Variants in C1QTNF3 observed in about 807,000 individuals in gnomAD.
The protein encoded by C1QTNF3 is C1q and TNF related 3.
Under a neutral mutation model 32.6 loss-of-function variants are expected in C1QTNF3, and 26 were observed. The ratio of observed to expected loss-of-function variants is 0.80; its 90% CI spans 0.58 to 1.11. The LOEUF is 1.11. C1QTNF3 is among the 50% of genes least tolerant of loss of function. The pLI is 0.00. For synonymous variants in C1QTNF3, 155 were observed against 146.0 expected, an observed-to-expected ratio of 1.06 and a Z score of -0.44; for missense variants, 362 against 398.2, an observed-to-expected ratio of 0.91 and a Z score of 0.77.
At chr5:34,119,386 G>T in the C1QTNF3 span, among the ~76,000 whole-genome samples, 1 of 152,166 alleles carries the variant, frequency 6.6e-6, no homozygotes, top group Non-Finnish European at 1.5e-5. Flanking sequence ...AGATGTCAGG[G>T]ACATAGTGCC....
the C1QTNF3 span, among the ~76,000 whole-genome samples, chr5:34,155,496 C>A: frequency 6.6e-6 from 1 of 152,292 alleles, no homozygotes; most frequent in South Asian, 2.1e-4. Flanking sequence ...TACCTGTTTA[C>A]TCAGACCTGA....
chr5:34,042,475 C>T (rs948554320), intron 1 of C1QTNF3, among the ~76,000 whole-genome samples: 27 of 152,238 alleles, frequency 1.8e-4, no homozygotes, highest in African/African-American at 3.9e-4. Context: ...CTACAGTGAC[C>T]GATCTGTCTG....
the C1QTNF3 span, among the ~76,000 whole-genome samples, chr5:34,052,840 T>C: frequency 1.3e-5 from 2 of 152,198 alleles, no homozygotes; most frequent in Non-Finnish European, 2.9e-5. Context: ...GATTAAGCAA[T>C]TAAAATAGGA....
chr5:34,147,045 A>G, the C1QTNF3 span, among the ~76,000 whole-genome samples: 1 of 152,220 alleles, frequency 6.6e-6, no homozygotes, highest in African/African-American at 2.4e-5. Flanking sequence ...CAAGTGGCCA[A>G]AAAGTTCAAC....
chr5:34,123,596 A>G, the C1QTNF3 span, among the ~76,000 whole-genome samples: 6 of 148,148 alleles, frequency 4.1e-5, no homozygotes, highest in Non-Finnish European at 8.9e-5. Context: ...TGTACTCCCA[A>G]TTTCCAGGAC....
the C1QTNF3 span, among the ~76,000 whole-genome samples, chr5:34,082,876 A>G: frequency 1.3e-5 from 2 of 151,816 alleles, no homozygotes; most frequent in Non-Finnish European, 2.9e-5. Context: ...ATATGAATAC[A>G]TATGTACATA....
the C1QTNF3 span, among the ~76,000 whole-genome samples, chr5:34,056,477 TATAGAGAGAGAGAGAG>T: frequency 5.8e-4 from 51 of 87,256 alleles, no homozygotes; most frequent in South Asian, 2.2e-3. Flanking sequence ...TATATATATA[TATAGAGAGAGAGAGAG>T]AGAGAGAGAG....
the C1QTNF3 span, chr5:34,175,486 T>A: frequency 3.9e-6 from 1 of 254,554 alleles, no homozygotes; most frequent in South Asian, 5.6e-5. Flanking sequence ...GAATGATGAG[T>A]GTATCCCAAA....
At chr5:34,144,416 C>T in the C1QTNF3 span, among the ~76,000 whole-genome samples, 2 of 152,330 alleles carry the variant, frequency 1.3e-5, no homozygotes, top group Middle Eastern at 6.8e-3. Flanking sequence ...AAACTTGACA[C>T]TAGACCAAAT....
the C1QTNF3 span, among the ~76,000 whole-genome samples, chr5:34,070,638 T>C: frequency 6.6e-6 from 1 of 151,900 alleles, no homozygotes; most frequent in Non-Finnish European, 1.5e-5. Flanking sequence ...AGAGTTTATA[T>C]TGAAAGTGAA....
chr5:34,054,158 T>C, the C1QTNF3 span, among the ~76,000 whole-genome samples: 5 of 152,324 alleles, frequency 3.3e-5, no homozygotes, highest in Non-Finnish European at 7.4e-5. Context: ...GGGAGTTCAA[T>C]AGGATTAAAG....
chr5:34,112,042 G>C, the C1QTNF3 span, among the ~76,000 whole-genome samples: 1 of 152,128 alleles, frequency 6.6e-6, no homozygotes, highest in Admixed American at 6.5e-5. Flanking sequence ...TCTGATCTTT[G>C]CCATAGAGAT....
At chr5:34,229,732 G>C in the C1QTNF3 span, among the ~76,000 whole-genome samples, 1 of 152,144 alleles carries the variant, frequency 6.6e-6, no homozygotes, top group Non-Finnish European at 1.5e-5. Flanking sequence ...CTGAATATTT[G>C]TGTCTCCCTA....
chr5:34,195,843 A>G, the C1QTNF3 span, among the ~76,000 whole-genome samples: 1 of 139,580 alleles, frequency 7.2e-6, no homozygotes, highest in African/African-American at 2.9e-5. Flanking sequence ...CTGTCTCAAA[A>G]AAAAAAAAAA....
At position 34,043,089 on chromosome 5, in the gene C1QTNF3, C is replaced by T; in HGVS notation, c.37G>A (p.Ala13Thr). 6.2e-7 allele frequency: 1 copy of T among 1,613,632 alleles called. No homozygotes were observed. Among genetic ancestry groups the T allele is most frequent in the Non-Finnish European group, 8.5e-7 (1 of 1,179,998 alleles). ...AGGCAAAAAGGGAGGAAAAACAAAG[C>T]CAGCAGTTGCCAATAGATGAGCTGC... ...WRQLIYWQLLALFFLPFCLCQ... is the reference protein window; with the variant it reads ...WRQLIYWQLLTLFFLPFCLCQ... The change falls in exon 1 of 6, where the codon GCT becomes ACT. Residue 13 changes from alanine (A) to threonine (T), a missense_variant. Transcript: ENST00000382065.
chr5:34,099,154 CTTG>C, the C1QTNF3 span, among the ~76,000 whole-genome samples: 1 of 151,766 alleles, frequency 6.6e-6, no homozygotes, highest in African/African-American at 2.4e-5. Context: ...ATGCATGTGA[CTTG>C]TTAAGTATTT....
At chr5:34,056,289 T>A in the C1QTNF3 span, among the ~76,000 whole-genome samples, 1 of 151,820 alleles carries the variant, frequency 6.6e-6, no homozygotes, top group Non-Finnish European at 1.5e-5. Context: ...TTCATCATGG[T>A]ACAGCACTTT....
the C1QTNF3 span, among the ~76,000 whole-genome samples, chr5:34,079,793 G>A: frequency 6.6e-6 from 1 of 151,638 alleles, no homozygotes; most frequent in Non-Finnish European, 1.5e-5. Flanking sequence ...AAATGGGGAG[G>A]TGCCAGTCAA....
intron 1 of C1QTNF3, 93 bp downstream of exon 1, chr5:34,042,729 TA>T: frequency 7.8e-7 from 1 of 1,289,354 alleles, no homozygotes; most frequent in Non-Finnish European, 1.1e-6. Flanking sequence ...TCATTGATTC[TA>T]AGAATCTTAG....
Sources: gnomAD v4.1 joint callset for allele counts (sites outside exome capture counted in the v4.1 genomes callset) on GRCh38, gnomAD v4.1.1 for gene constraint, MANE v1.5 for transcripts, NCBI Gene and HGNC (gene_info 2026-07-23, HGNC 2026-07-21) for gene names.